GLI2: variants seen among roughly 807,000 people sequenced by gnomAD.
The protein encoded by GLI2 is GLI family zinc finger 2, also known as transcription activator GLI2.
In GLI2, 22 loss-of-function variants were observed where a neutral mutation model predicts 78.9. That is an observed-to-expected ratio of 0.28 (90% CI 0.20 to 0.40). The LOEUF (loss-of-function observed/expected upper bound fraction) is 0.40. Ranked by LOEUF, GLI2 falls within the 10% of genes least tolerant of loss-of-function variation. The pLI is 1.00. For missense variants in GLI2, 2,097 were observed against 2,213.2 expected, an observed-to-expected ratio of 0.95 and a Z score of 1.05; for synonymous variants, 974 against 963.7, an observed-to-expected ratio of 1.01 and a Z score of -0.20.
At chr2:120,829,429 AGTGCTAGGGCT>A (rs1457761907) in intron 2 of GLI2, among the ~76,000 whole-genome samples, 5 of 152,236 alleles carry the variant, frequency 3.3e-5, no homozygotes, top group Admixed American at 6.5e-5. Flanking sequence ...GGAGTTGGAC[AGTGCTAGGGCT>A]GAGCCCCAGC....
At chr2:120,941,337 T>C (rs1573640427) in intron 3 of GLI2, among the ~76,000 whole-genome samples, 1 of 152,224 alleles carries the variant, frequency 6.6e-6, no homozygotes, top group Admixed American at 6.5e-5. Context: ...ATGGGAAACA[T>C]GGTAAGCAAG....
intron 2 of GLI2, among the ~76,000 whole-genome samples, chr2:120,810,862 T>C (rs1685204856): frequency 1.3e-5 from 2 of 152,174 alleles, no homozygotes; most frequent in South Asian, 2.1e-4. Context: ...GTGATCTCGA[T>C]TGGCTTTCCG....
intron 2 of GLI2, among the ~76,000 whole-genome samples, chr2:120,902,185 A>ACCCCC (rs11358856): frequency 8.6e-6 from 1 of 116,288 alleles, no homozygotes; most frequent in African/African-American, 3.3e-5. Context: ...ATTGACACCC[A>ACCCCC]CCCCCCCCCA....
intron 2 of GLI2, among the ~76,000 whole-genome samples, chr2:120,867,710 C>T (rs2104662648): frequency 6.6e-6 from 1 of 152,344 alleles, no homozygotes; most frequent in East Asian, 1.9e-4. Flanking sequence ...TCCCACGTCC[C>T]TTCCCCTTGT....
chr2:120,811,709 G>A (rs1685249943), intron 2 of GLI2, among the ~76,000 whole-genome samples: 1 of 152,144 alleles, frequency 6.6e-6, no homozygotes. Flanking sequence ...GGGAGCCATT[G>A]AAGGGCTTTG....
At position 120,989,050 on chromosome 2, in the gene GLI2, G is replaced by C; in HGVS notation, c.3085G>C (p.Gly1029Arg). 6.2e-7 allele frequency: 1 copy of C among 1,608,066 alleles called. No homozygotes were observed. The highest frequency in any genetic ancestry group is 8.5e-7 in the Non-Finnish European group (1 of 1,179,358). ...AMEAVAAGVD[G>R]AGPEADLGLP... Reference sequence around the variant, plus strand: ...GGAGGCCGTGGCGGCAGGAGTGGACGGCGCGGGGCCCGAGGCCGACCTGGG... The same window carrying C: ...GGAGGCCGTGGCGGCAGGAGTGGACCGCGCGGGGCCCGAGGCCGACCTGGG... Residue 1029 changes from glycine to arginine, a missense_variant, in exon 14 of 14, where the codon GGC (glycine) becomes CGC (arginine). Gly to Arg is a moderately radical substitution (Grantham distance 125). Coordinates refer to ENST00000361492, the MANE Select transcript of GLI2 (RefSeq NM_001374353.1).
At chr2:120,904,607 G>T (rs1257190645) in intron 2 of GLI2, among the ~76,000 whole-genome samples, 4 of 152,312 alleles carry the variant, frequency 2.6e-5, no homozygotes, top group African/African-American at 9.6e-5. Flanking sequence ...TTCCCAGGAG[G>T]AGGGACCCAC....
intron 2 of GLI2, among the ~76,000 whole-genome samples, chr2:120,824,802 C>T (rs1382546429): frequency 6.6e-6 from 1 of 152,210 alleles, no homozygotes; most frequent in African/African-American, 2.4e-5. Context: ...ACACACCTGA[C>T]AAAGGATGTC....
At chr2:120,865,651 C>T (rs549425880) in intron 2 of GLI2, among the ~76,000 whole-genome samples, 39 of 152,312 alleles carry the variant, frequency 2.6e-4, no homozygotes, top group South Asian at 8.3e-4. Flanking sequence ...CCCTTTGCAA[C>T]CCCATGGCCC....
intron 2 of GLI2, among the ~76,000 whole-genome samples, chr2:120,858,068 C>T (rs890562459): frequency 5.9e-5 from 9 of 151,952 alleles, no homozygotes; most frequent in African/African-American, 1.9e-4. Context: ...GTAGGGTGGT[C>T]GAGGTGAGAA....
chr2:120,839,425 C>T (rs766741976), intron 2 of GLI2, among the ~76,000 whole-genome samples: 16 of 152,162 alleles, frequency 1.1e-4, no homozygotes, highest in Non-Finnish European at 1.8e-4. Flanking sequence ...AATCAATCTA[C>T]CTCTGTCTTC....
chr2:120,754,234 A>T (rs918242388), intron 1 of GLI2, among the ~76,000 whole-genome samples: 4 of 152,204 alleles, frequency 2.6e-5, no homozygotes, highest in South Asian at 2.1e-4. Flanking sequence ...GCCCATATCC[A>T]CATCAACAGG....
intron 3 of GLI2, among the ~76,000 whole-genome samples, chr2:120,934,276 C>G (rs950887228): frequency 1.3e-5 from 2 of 152,238 alleles, no homozygotes; most frequent in Non-Finnish European, 2.9e-5. Flanking sequence ...CAAGTCCCTC[C>G]TAAACCTATT....
At chr2:120,736,879 C>G (rs1416384741) in intron 1 of GLI2, among the ~76,000 whole-genome samples, 2 of 150,032 alleles carry the variant, frequency 1.3e-5, no homozygotes, top group Non-Finnish European at 3.0e-5. Flanking sequence ...TCCTCGGCCC[C>G]CCCTCTTTGC....
chr2:120,931,392 C>T (rs940184033), intron 3 of GLI2, among the ~76,000 whole-genome samples: 5 of 152,212 alleles, frequency 3.3e-5, no homozygotes, highest in East Asian at 1.9e-4. Context: ...TATTGCCTTT[C>T]GGGCCTACTG....
At chr2:120,975,192 A>G (rs899015552) in intron 9 of GLI2, 83 bp downstream of exon 9, 2 of 1,362,202 alleles carry the variant, frequency 1.5e-6, no homozygotes, top group Admixed American at 1.9e-5. Context: ...GGCCTCTACT[A>G]GACAGAAGGG....
intron 2 of GLI2, among the ~76,000 whole-genome samples, chr2:120,841,888 T>TGTGTGTGTGTGTGTGAGA (rs768879101): frequency 1.8e-4 from 27 of 150,790 alleles, no homozygotes; most frequent in Non-Finnish European, 3.4e-4. Context: ...TGTGTGTGTG[T>TGTGTGTGTGTGTGTGAGA]GATGCTGGGC....
intron 2 of GLI2, among the ~76,000 whole-genome samples, chr2:120,799,137 G>T (rs1308706525): frequency 6.6e-6 from 1 of 152,208 alleles, no homozygotes; most frequent in African/African-American, 2.4e-5. Flanking sequence ...CTCATTATTG[G>T]TGCAATAGCA....
intron 1 of GLI2, among the ~76,000 whole-genome samples, chr2:120,794,380 G>C (rs1684287233): frequency 6.6e-6 from 1 of 152,200 alleles, no homozygotes; most frequent in Non-Finnish European, 1.5e-5. Flanking sequence ...GAGGCTTTAG[G>C]TAGACATGGG....
Sources: allele counts gnomAD v4.1 joint callset (sites outside exome capture counted in the v4.1 genomes callset), GRCh38; gene constraint gnomAD v4.1.1; transcripts MANE v1.5; gene names NCBI Gene and HGNC (gene_info 2026-07-23, HGNC 2026-07-21).